MS4A15: variants seen among roughly 807,000 people sequenced by gnomAD.
The protein encoded by MS4A15 is membrane spanning 4-domains A15.
A neutral mutation model predicts 20.6 loss-of-function variants in MS4A15; 22 were observed. The observed-to-expected ratio is 1.07, with a 90% CI of 0.76 to 1.52. The LOEUF (loss-of-function observed/expected upper bound fraction) is 1.52, where lower values mean the gene tolerates loss of function less well. Ranked by LOEUF, MS4A15 falls within the 40% of genes most tolerant of loss-of-function variation. MS4A15 has a pLI of 0.00. For missense variants in MS4A15, 312 were observed against 323.0 expected, an observed-to-expected ratio of 0.97 and a Z score of 0.26; for synonymous variants, 129 against 129.3, an observed-to-expected ratio of 1.00 and a Z score of 0.02.
rs150369463 is a variant in MS4A15 at position 60,760,039 on chromosome 11, C to A, written c.-29+2981C>A. ...TTTCTCTGTACTTTGTGTCTTATTT[C>A]TTTTCTCAGTCTCTTGTCTCCACCT... On this transcript the variant is annotated intron_variant, in intron 1 of 6. Transcript: ENST00000405633. Among the ~76,000 whole-genome samples the A allele has an allele frequency of 4.6e-5, 7 of 152,314 alleles. No individual in the cohort carries two copies. The East Asian group carries it at 1.4e-3, about 29-fold the overall frequency.
chr11:60,771,943 G>T (rs72912902), intron 4 of MS4A15, among the ~76,000 whole-genome samples: 2,031 of 152,268 alleles, frequency 0.013, 18 homozygotes, highest in Non-Finnish European at 0.022. Context: ...GGCAGCGAAG[G>T]TCATGAACAT....
intron 3 of MS4A15, among the ~76,000 whole-genome samples, chr11:60,770,022 G>A (rs1035496937): frequency 3.9e-5 from 6 of 152,208 alleles, no homozygotes; most frequent in East Asian, 3.9e-4. Flanking sequence ...CCAGAGTGGC[G>A]CAGCACTGCT....
Position 60,773,899 on chromosome 11 carries a change from G to T in MS4A15, c.561G>T (p.Ala187=). Residue 187 remains alanine, a synonymous_variant, in exon 6 of 7, where the codon GCG becomes GCT. Transcript: ENST00000405633. The stretch of plus-strand genomic sequence containing the variant: ...TCACTGTCCTGGAGTTCTTCACAGC[G>T]GTCATTGCCATGCACTTCGGGTGCC... The part of the protein sequence containing the change: ...TIFTVLEFFT[A]VIAMHFGCQA... 6.2e-7 allele frequency: 1 copy of T among 1,614,124 alleles called. No individual in the cohort carries two copies. The highest frequency in any genetic ancestry group is 1.3e-5 in the African/African-American group (1 of 75,042).
chr11:60,769,690 A>T (rs2134720666), intron 3 of MS4A15, among the ~76,000 whole-genome samples: 1 of 152,254 alleles, frequency 6.6e-6, no homozygotes, highest in Admixed American at 6.5e-5. Context: ...TCATCTCAGC[A>T]AATGGCACCT....
intron 6 of MS4A15, among the ~76,000 whole-genome samples, chr11:60,775,380 T>C (rs932683119): frequency 2.0e-5 from 3 of 152,112 alleles, no homozygotes; most frequent in African/African-American, 7.2e-5. Flanking sequence ...AATGGGACTT[T>C]TGTCTGTTTT....
chr11:60,773,345 C>T (rs749590287), intron 4 of MS4A15, 47 bp from the exon 5 acceptor site: 14 of 1,529,350 alleles, frequency 9.2e-6, no homozygotes, highest in Middle Eastern at 2.2e-4. Context: ...GCCTTTTCTC[C>T]TTCTCTTTGC....
At position 60,771,271 on chromosome 11, in the gene MS4A15, G is replaced by C. The variant is rs1854030211; in HGVS notation, c.349-20G>C. The C allele has an allele frequency of 6.2e-7, 1 of 1,612,916 alleles. No homozygotes were observed. The highest frequency in any genetic ancestry group is 8.5e-7 in the Non-Finnish European group (1 of 1,179,890). On this transcript the variant is annotated intron_variant, in intron 3 of 6. Coordinates refer to ENST00000405633, the MANE Select transcript of MS4A15 (RefSeq NM_001098835.2). ...CAGGGTCCTGGCTGAGGCCTCACCT[G>C]GTCCCCTCTCCCCATACAGTTCATC...
rs192614707 is a variant in MS4A15, at chr11:60,763,857, T to G, written c.124T>G (p.Phe42Val). 12 of 1,612,780 alleles carry G rather than the reference T, an allele frequency of 7.4e-6. No homozygotes were observed. In the Admixed American group the frequency reaches 2.0e-4, roughly 27 times the overall value. ...SMCQPPGIMQ[F>V]EEPPLGAQTP... ...GTGCCAACCTCCAGGGATTATGCAG[T>G]TTGAGGAGCCACCGCTGGGGGCACA... The change falls in exon 2 of 7, where the codon TTT (phenylalanine) becomes GTT (valine). Residue 42 changes from phenylalanine (F) to valine (V), a missense_variant. Physicochemically the swap from Phe to Val is conservative, Grantham distance 50 (BLOSUM62 -1). Coordinates refer to ENST00000405633, the MANE Select transcript of MS4A15 (RefSeq NM_001098835.2).
intron 2 of MS4A15, 29 bp from the exon 3 acceptor site, chr11:60,767,504 G>C: frequency 6.7e-7 from 1 of 1,487,100 alleles, no homozygotes; most frequent in Non-Finnish European, 9.0e-7. Context: ...AACAGGGCCC[G>C]CGGCACTGAG....
intron 3 of MS4A15, among the ~76,000 whole-genome samples, chr11:60,770,150 C>T (rs1276900781): frequency 1.3e-5 from 2 of 152,198 alleles, no homozygotes; most frequent in Admixed American, 1.3e-4. Context: ...TGGATAGCCT[C>T]GTGCCCGGCT....
At chr11:60,759,822 G>A (rs944465340) in intron 1 of MS4A15, among the ~76,000 whole-genome samples, 2 of 152,070 alleles carry the variant, frequency 1.3e-5, no homozygotes, top group African/African-American at 2.4e-5. Flanking sequence ...TATTTATGAT[G>A]CAGATTCCCT....
chr11:60,775,896 A>G lies in MS4A15; in HGVS notation c.*181A>G. 5.9e-6 allele frequency: 3 copies of G among 512,578 alleles called. No homozygotes were observed. The highest frequency in any genetic ancestry group is 6.9e-6 in the Non-Finnish European group (2 of 287,926). The allele number at this position is 512,578 out of a possible 1,614,324, so 31.8% of individuals were successfully genotyped here. On this transcript the variant is annotated 3_prime_UTR_variant, in exon 7 of 7. Transcript: ENST00000405633. Reference sequence around the variant, plus strand: ...GGGACATCTCTCCCACACTTTCCCCAGTGCTTTCTTTCTAAAAGACACCGG... The same window carrying G: ...GGGACATCTCTCCCACACTTTCCCCGGTGCTTTCTTTCTAAAAGACACCGG...
chr11:60,760,551 A>G (rs559823426), intron 1 of MS4A15, among the ~76,000 whole-genome samples: 1 of 152,322 alleles, frequency 6.6e-6, no homozygotes, highest in African/African-American at 2.4e-5. Context: ...GCAGTTGCTC[A>G]TTTGTTTGAA....
chr11:60,775,046 T>C (rs996694467), intron 6 of MS4A15, among the ~76,000 whole-genome samples: 3 of 152,188 alleles, frequency 2.0e-5, no homozygotes, highest in Non-Finnish European at 4.4e-5. Context: ...CCGGACGTGG[T>C]GGCTCATGCC....
At chr11:60,767,701 A>G in intron 3 of MS4A15, 46 bp downstream of exon 3, 1 of 1,493,386 alleles carries the variant, frequency 6.7e-7, no homozygotes, top group Non-Finnish European at 8.9e-7. Context: ...GATGCTGCCC[A>G]GGCTCACCTC....
In MS4A15 at chr11:60,775,717, TAG is replaced by T; in HGVS notation, c.*3_*4del. ...GCATATGCCCAAGGAGTCGTCTGAG[TAG>T]CAGATGTGGCACCTGCGGGTGGAGT... On this transcript the variant is annotated 3_prime_UTR_variant, in exon 7 of 7. Transcript: ENST00000405633. 1 of 1,611,188 alleles carries T rather than the reference TAG, an allele frequency of 6.2e-7. No individual in the cohort carries two copies. Among genetic ancestry groups the T allele is most frequent in the Admixed American group, 1.7e-5 (1 of 59,930 alleles).
chr11:60,761,916 G>A (rs962518024), intron 1 of MS4A15, among the ~76,000 whole-genome samples: 4 of 152,098 alleles, frequency 2.6e-5, no homozygotes, highest in African/African-American at 7.2e-5. Context: ...CTGTCTCATC[G>A]AAATGTTACA....
chr11:60,764,026 T>C (rs1853819817), intron 2 of MS4A15, 68 bp downstream of exon 2: 4 of 1,416,698 alleles, frequency 2.8e-6, no homozygotes, highest in Non-Finnish European at 3.9e-6. Context: ...CATTCATGCA[T>C]GTTTTGGAGA....
At chr11:60,771,197 G>C in intron 3 of MS4A15, 94 bp from the exon 4 acceptor site, 1 of 1,444,320 alleles carries the variant, frequency 6.9e-7, no homozygotes, top group Non-Finnish European at 9.6e-7. Flanking sequence ...GGAGGCTGTT[G>C]TCTCTCCCTG....
Sources: allele counts gnomAD v4.1 joint callset (sites outside exome capture counted in the v4.1 genomes callset), GRCh38; gene constraint gnomAD v4.1.1; transcripts MANE v1.5; gene names NCBI Gene and HGNC (gene_info 2026-07-23, HGNC 2026-07-21).